The following NCOA2 variants were observed in gnomAD, a reference collection of about 807,000 sequenced individuals.
NCOA2 encodes nuclear receptor coactivator 2.
In NCOA2, 21 loss-of-function variants were observed where a neutral mutation model predicts 145.1. That is an observed-to-expected ratio of 0.14 (90% CI 0.10 to 0.21). NCOA2 has a LOEUF of 0.21. Ranked by LOEUF, NCOA2 falls within the 10% of genes least tolerant of loss-of-function variation. The pLI, the probability that NCOA2 is intolerant of heterozygous loss-of-function variation, is 1.00. For synonymous variants in NCOA2, 619 were observed against 637.5 expected, an observed-to-expected ratio of 0.97 and a Z score of 0.44; for missense variants, 1,472 against 1,837.6, an observed-to-expected ratio of 0.80 and a Z score of 3.64.
intron 4 of NCOA2, among the ~76,000 whole-genome samples, chr8:70,204,882 C>T (rs1191583330): frequency 6.6e-6 from 1 of 152,092 alleles, no homozygotes; most frequent in Non-Finnish European, 1.5e-5. Flanking sequence ...GTGGTGCACA[C>T]CTATAATCCC....
At chr8:70,348,220 G>T (rs1586562842) in intron 1 of NCOA2, among the ~76,000 whole-genome samples, 1 of 152,246 alleles carries the variant, frequency 6.6e-6, no homozygotes, top group East Asian at 1.9e-4. Context: ...CTTTCAACAG[G>T]CAGAGATAAG....
chr8:70,375,152 A>G (rs1489448022), intron 1 of NCOA2, among the ~76,000 whole-genome samples: 1 of 152,188 alleles, frequency 6.6e-6, no homozygotes, highest in Admixed American at 6.5e-5. Context: ...TACATCTATT[A>G]ATGTTTGGTT....
rs1806592729 is a variant in NCOA2 at position 70,112,152 on chromosome 8, TTAGA to T, written c.*1476_*1479del. On this transcript the variant is annotated 3_prime_UTR_variant, in exon 23 of 23. Transcript: ENST00000452400. ...CTACAGCGGCTGCATATCATATAGA[TTAGA>T]TAAATGACTTATAAGCAGAATCACA... 4.9e-6 allele frequency: 1 copy of T among 204,768 alleles called. No individual in the cohort carries two copies. Among genetic ancestry groups the T allele is most frequent in the East Asian group, 7.6e-5 (1 of 13,210 alleles). The allele number at this position is 204,768 out of a possible 1,614,324, so 12.7% of individuals were successfully genotyped here.
intron 2 of NCOA2, among the ~76,000 whole-genome samples, chr8:70,271,199 G>T (rs1825018425): frequency 6.6e-6 from 1 of 152,050 alleles, no homozygotes; most frequent in Admixed American, 6.5e-5. Flanking sequence ...TTCATTTCTG[G>T]TCCTGATTCT....
intron 2 of NCOA2, among the ~76,000 whole-genome samples, chr8:70,280,003 C>T (rs2135452640): frequency 6.6e-6 from 1 of 152,310 alleles, no homozygotes; most frequent in East Asian, 1.9e-4. Flanking sequence ...AGTTGCATTT[C>T]TACACTTGCA....
chr8:70,273,845 T>C, intron 2 of NCOA2: 1 of 556,786 alleles, frequency 1.8e-6, no homozygotes, highest in Middle Eastern at 5.7e-4. Flanking sequence ...CAAACTGAAG[T>C]GAGTCAACTT....
the NCOA2 span, among the ~76,000 whole-genome samples, chr8:70,428,244 A>G: frequency 6.6e-6 from 1 of 151,886 alleles, no homozygotes; most frequent in Non-Finnish European, 1.5e-5. Flanking sequence ...GCTTGAGTTC[A>G]GGAGTTTGAC....
rs753236891 is a variant in NCOA2 at position 70,156,732 on chromosome 8, C to T, written c.1633G>A (p.Gly545Arg). 8 of 1,613,834 alleles carry T rather than the reference C, an allele frequency of 5.0e-6. No homozygotes were observed. The highest frequency in any genetic ancestry group is 2.7e-5 in the African/African-American group (2 of 74,916). Residue 545 changes from glycine to arginine, a missense_variant, in exon 11 of 23, where the codon GGG becomes AGG. Transcript: ENST00000452400. ...NALQALSEGH[G>R]VSLGSSLASP... ...GCCAACGATGACCCTAATGAGACCCCGTGCCCCTCGCTGAGGGCCTGAAGT... is the reference window on the plus strand; with the variant it reads ...GCCAACGATGACCCTAATGAGACCCTGTGCCCCTCGCTGAGGGCCTGAAGT...
At chr8:70,349,918 C>T (rs1050073303) in intron 1 of NCOA2, among the ~76,000 whole-genome samples, 2 of 151,990 alleles carry the variant, frequency 1.3e-5, no homozygotes, top group Admixed American at 6.6e-5. Flanking sequence ...AGCACCCATA[C>T]TCTGCCCACA....
intron 14 of NCOA2, 71 bp from the exon 15 acceptor site, chr8:70,138,403 A>C: frequency 1.4e-6 from 2 of 1,389,820 alleles, no homozygotes; most frequent in Non-Finnish European, 1.9e-6. Flanking sequence ...TGTAATATAA[A>C]GTGAAATGTC....
intron 1 of NCOA2, among the ~76,000 whole-genome samples, chr8:70,342,130 A>G (rs1808197052): frequency 6.6e-6 from 1 of 152,234 alleles, no homozygotes; most frequent in Non-Finnish European, 1.5e-5. Flanking sequence ...TGCGTAAGGA[A>G]TTATTCAGCC....
intron 22 of NCOA2, among the ~76,000 whole-genome samples, chr8:70,118,996 A>G (rs556358058): frequency 6.6e-6 from 1 of 152,036 alleles, no homozygotes; most frequent in Non-Finnish European, 1.5e-5. Context: ...CCAGGAGAGG[A>G]TTTTTTATTT....
chr8:70,380,320 T>C (rs1196967674), intron 1 of NCOA2, among the ~76,000 whole-genome samples: 1 of 152,186 alleles, frequency 6.6e-6, no homozygotes, highest in Non-Finnish European at 1.5e-5. Context: ...AACTCAGTTT[T>C]AGGGCAAACC....
intron 14 of NCOA2, among the ~76,000 whole-genome samples, chr8:70,139,188 A>AT (rs1810092028): frequency 1.3e-5 from 2 of 152,222 alleles, no homozygotes; most frequent in Non-Finnish European, 1.5e-5. Flanking sequence ...TATTATCATC[A>AT]TTATCTGTAG....
intron 2 of NCOA2, among the ~76,000 whole-genome samples, chr8:70,231,657 T>C (rs1037074717): frequency 1.3e-5 from 2 of 152,212 alleles, no homozygotes; most frequent in Non-Finnish European, 1.5e-5. Context: ...TAATCCTGTC[T>C]GGTTCTCCTG....
chr8:70,315,822 A>G (rs1805542223), intron 1 of NCOA2, among the ~76,000 whole-genome samples: 1 of 152,238 alleles, frequency 6.6e-6, no homozygotes, highest in Admixed American at 6.5e-5. Flanking sequence ...ATGCTTTCAA[A>G]CAGGCCACAC....
the NCOA2 span, among the ~76,000 whole-genome samples, chr8:70,409,557 TTAAATGA>T: frequency 1.3e-5 from 2 of 152,210 alleles, no homozygotes; most frequent in Non-Finnish European, 2.9e-5. Flanking sequence ...GATCATAGAC[TTAAATGA>T]TAAAAACCAA....
chr8:70,394,774 G>A (rs1205121297), intron 1 of NCOA2, among the ~76,000 whole-genome samples: 2 of 152,026 alleles, frequency 1.3e-5, no homozygotes, highest in Non-Finnish European at 2.9e-5. Context: ...CTTAAACAGG[G>A]AAAAAATAAA....
intron 1 of NCOA2, among the ~76,000 whole-genome samples, chr8:70,395,542 T>C (rs1454769439): frequency 6.6e-6 from 1 of 152,266 alleles, no homozygotes; most frequent in Non-Finnish European, 1.5e-5. Context: ...TATTTAGGAA[T>C]CTAAAAACAT....
Sources: allele counts gnomAD v4.1 joint callset (sites outside exome capture counted in the v4.1 genomes callset), GRCh38; gene constraint gnomAD v4.1.1; transcripts MANE v1.5; gene names NCBI Gene and HGNC (gene_info 2026-07-23, HGNC 2026-07-21).